The following MTMR8 variants were observed in gnomAD, a reference collection of about 807,000 sequenced individuals.
MTMR8 encodes phosphatidylinositol-3,5-bisphosphate 3-phosphatase MTMR8.
MTMR8 carries 65 observed loss-of-function variants against 39.3 expected under a neutral mutation model. The observed-to-expected ratio is 1.65, with a 90% CI of 1.35 to 2.03. The LOEUF (loss-of-function observed/expected upper bound fraction) is 2.03. MTMR8 is among the 30% of genes most tolerant of loss of function. The pLI, the probability that MTMR8 is intolerant of heterozygous loss-of-function variation, is 0.00. For synonymous variants in MTMR8, 245 were observed against 185.2 expected (o/e 1.32, Z -2.62); for missense variants, 777 against 538.9 (o/e 1.44, Z -4.37).
At chrX:64,304,747 C>T (rs942617905) in intron 12 of MTMR8, among the ~76,000 whole-genome samples, 2 of 103,619 alleles carry the variant, frequency 1.9e-5, no homozygotes, top group South Asian at 4.7e-4. Context: ...TACCCATTCA[C>T]CATCTTGACC....
chrX:64,297,781 G>T (rs1921673546), intron 12 of MTMR8, among the ~76,000 whole-genome samples: 1 of 111,247 alleles, frequency 9.0e-6, no homozygotes, highest in Non-Finnish European at 1.9e-5. Context: ...AAAGGATCCA[G>T]TTTCAGCTTT....
chrX:64,371,037 A>G (rs1016265504), intron 1 of MTMR8, among the ~76,000 whole-genome samples: 1 of 111,484 alleles, frequency 9.0e-6, no homozygotes, highest in African/African-American at 3.3e-5. Flanking sequence ...CATGCCTGTA[A>G]TCCCAGCTAC....
chrX:64,299,031 T>G (rs1327035403), intron 12 of MTMR8, among the ~76,000 whole-genome samples: 2 of 65,855 alleles, frequency 3.0e-5, no homozygotes, highest in Non-Finnish European at 5.0e-5. Flanking sequence ...GATATTGGTC[T>G]AAAATTCTCT....
intron 12 of MTMR8, among the ~76,000 whole-genome samples, chrX:64,320,389 C>T (rs1207336533): frequency 2.7e-5 from 3 of 110,437 alleles, no homozygotes; most frequent in Admixed American, 9.7e-5. Context: ...TGATGTGGCT[C>T]GCTGCTGCAA....
intron 1 of MTMR8, among the ~76,000 whole-genome samples, chrX:64,382,319 G>A (rs374115364): frequency 3.2e-4 from 36 of 111,349 alleles, no homozygotes; most frequent in East Asian, 1.1e-3. Flanking sequence ...GGTCCTTCAC[G>A]TCCCTTGTAA....
intron 12 of MTMR8, among the ~76,000 whole-genome samples, chrX:64,323,244 G>T (rs1303554080): frequency 8.9e-6 from 1 of 112,466 alleles, no homozygotes; most frequent in African/African-American, 3.2e-5. Context: ...CATGCAAATG[G>T]AAACCAAGAG....
At chrX:64,276,037 A>C in intron 12 of MTMR8, among the ~76,000 whole-genome samples, 1 of 112,063 alleles carries the variant, frequency 8.9e-6, no homozygotes, top group Admixed American at 9.4e-5. Context: ...TTAAAGAATT[A>C]ATGCTTTTTA....
intron 4 of MTMR8, among the ~76,000 whole-genome samples, chrX:64,354,185 G>A (rs749712320): frequency 9.2e-5 from 10 of 108,447 alleles, no homozygotes; most frequent in Non-Finnish European, 1.9e-4. Context: ...AGTGGAGTGG[G>A]GGGGATAAAA....
rs1450313361 is a variant in MTMR8, at chrX:64,299,697, G to A, written c.1482-28624C>T. ...AGGGTGTCAATTTTGGATCTTTCCT[G>A]CTTTCTCTTGTGGGCATTTCGTGCT... On this transcript the variant is annotated intron_variant, in intron 12 of 13. Coordinates refer to ENST00000374852, the MANE Select transcript of MTMR8 (RefSeq NM_017677.4). Among the ~76,000 whole-genome samples, 61 of 97,721 alleles carry A rather than the reference G, an allele frequency of 6.2e-4. 2 individuals are homozygous for A. In the East Asian group the frequency reaches 0.02, roughly 32 times the overall value. 84.9% of individuals were successfully genotyped at this position (97,721 alleles called of 115,157 possible).
intron 12 of MTMR8, among the ~76,000 whole-genome samples, chrX:64,326,437 C>A: frequency 9.0e-6 from 1 of 111,073 alleles, no homozygotes; most frequent in Non-Finnish European, 1.9e-5. Context: ...GAAAACAATC[C>A]CACTTACAAT....
intron 1 of MTMR8, among the ~76,000 whole-genome samples, chrX:64,387,372 C>T (rs1309004726): frequency 9.0e-6 from 1 of 111,470 alleles, no homozygotes; most frequent in Non-Finnish European, 1.9e-5. Flanking sequence ...CAAACGGCTA[C>T]ATTATGCAAG....
intron 1 of MTMR8, among the ~76,000 whole-genome samples, chrX:64,366,835 T>C (rs1179075325): frequency 9.0e-6 from 1 of 110,818 alleles, no homozygotes; most frequent in African/African-American, 3.3e-5. Flanking sequence ...TTTGAAAAGA[T>C]CAACAAAATT....
At chrX:64,297,542 T>A (rs1380472443) in intron 12 of MTMR8, among the ~76,000 whole-genome samples, 1 of 88,617 alleles carries the variant, frequency 1.1e-5, no homozygotes, top group Non-Finnish European at 2.2e-5. Context: ...GCCTGTTCAC[T>A]CTGATGGTAG....
rs775189398 is a variant in MTMR8 at position 64,268,903 on chromosome X, C to T, written c.1749G>A (p.Met583Ile). 97 of 1,209,780 alleles carry T rather than the reference C, an allele frequency of 8.0e-5. No homozygotes were observed. In the East Asian group the frequency reaches 2.7e-3, roughly 34 times the overall value. Residue 583 changes from methionine to isoleucine, a missense_variant, in exon 14 of 14, where the codon ATG (methionine) becomes ATA (isoleucine). Coordinates refer to ENST00000374852, the MANE Select transcript of MTMR8 (RefSeq NM_017677.4). ...MGINGDLNTL[M>I]ENGTLSREGG... ...CTTCCCTGGATAGGGTGCCATTCTCCATCAGGGTATTCAGGTCTCCATTGA... is the reference window on the plus strand; with the variant it reads ...CTTCCCTGGATAGGGTGCCATTCTCTATCAGGGTATTCAGGTCTCCATTGA...
intron 12 of MTMR8, among the ~76,000 whole-genome samples, chrX:64,297,583 T>G (rs1281160517): frequency 1.1e-5 from 1 of 90,050 alleles, no homozygotes; most frequent in Non-Finnish European, 2.2e-5. Context: ...CTCTTTAGTT[T>G]AATTAGATCC....
At chrX:64,315,121 C>T (rs1241289112) in intron 12 of MTMR8, among the ~76,000 whole-genome samples, 2 of 112,142 alleles carry the variant, frequency 1.8e-5, no homozygotes, top group Non-Finnish European at 3.8e-5. Context: ...CTCTGTGCTC[C>T]ACAACTGGCT....
intron 11 of MTMR8, among the ~76,000 whole-genome samples, chrX:64,331,196 C>T (rs1015973228): frequency 6.3e-5 from 7 of 111,745 alleles, no homozygotes; most frequent in African/African-American, 1.3e-4. Flanking sequence ...GGGTTGGGTT[C>T]GGCCTATGAG....
intron 12 of MTMR8, among the ~76,000 whole-genome samples, chrX:64,302,510 A>G (rs1050359311): frequency 4.5e-5 from 5 of 112,080 alleles, no homozygotes; most frequent in Non-Finnish European, 7.5e-5. Flanking sequence ...ATGGAAATGC[A>G]GAAATCACCC....
chrX:64,291,067 T>C (rs1921379425), intron 12 of MTMR8, among the ~76,000 whole-genome samples: 1 of 111,854 alleles, frequency 8.9e-6, no homozygotes, highest in South Asian at 3.7e-4. Flanking sequence ...AGTGGCTCCA[T>C]ACTATTTCAT....
Sources: gnomAD v4.1 joint callset for allele counts (sites outside exome capture counted in the v4.1 genomes callset) on GRCh38, gnomAD v4.1.1 for gene constraint, MANE v1.5 for transcripts, NCBI Gene and HGNC (gene_info 2026-07-23, HGNC 2026-07-21) for gene names.